Variants in FAM177A1 observed in about 807,000 individuals in gnomAD.
FAM177A1 encodes family with sequence similarity 177 member A1.
Under a neutral mutation model 26.1 loss-of-function variants are expected in FAM177A1, and 22 were observed. The ratio of observed to expected loss-of-function variants is 0.84; its 90% CI spans 0.60 to 1.20. The LOEUF (loss-of-function observed/expected upper bound fraction) is 1.20. Among genes scored for constraint, FAM177A1 ranks in the 50% most tolerant of loss-of-function variants. The probability of loss-of-function intolerance (pLI) is 0.00; values close to 1 mark genes in which losing one functional copy is unlikely to be tolerated. For missense variants in FAM177A1, 296 were observed against 291.1 expected (o/e 1.02, Z -0.12); for synonymous variants, 95 against 99.3 (o/e 0.96, Z 0.26).
At chr14:35,071,825 G>A (rs1185377151) in intron 2 of FAM177A1, among the ~76,000 whole-genome samples, 2 of 152,148 alleles carry the variant, frequency 1.3e-5, no homozygotes, top group Admixed American at 6.6e-5. Flanking sequence ...ACCCTGCACA[G>A]TTGAAAATCT....
chr14:35,050,417 A>G (rs889070196), intron 1 of FAM177A1: 4 of 152,148 alleles, frequency 2.6e-5, no homozygotes, highest in Admixed American at 1.3e-4. Flanking sequence ...TTTTGTATCA[A>G]ATGATTTTCT....
intron 1 of FAM177A1, among the ~76,000 whole-genome samples, chr14:35,049,535 G>C (rs2044929469): frequency 6.6e-6 from 1 of 152,162 alleles, no homozygotes; most frequent in Non-Finnish European, 1.5e-5. Flanking sequence ...TATAATCCCA[G>C]CACTTTGGAA....
intron 1 of FAM177A1, chr14:35,047,124 C>A: frequency 2.0e-6 from 1 of 504,856 alleles, no homozygotes; most frequent in Non-Finnish European, 2.6e-6. Context: ...GCAACTAAGG[C>A]TCCGAGCTGC....
At chr14:35,063,549 G>A (rs539892891) in intron 2 of FAM177A1, among the ~76,000 whole-genome samples, 144 of 152,188 alleles carry the variant, frequency 9.5e-4, no homozygotes, top group African/African-American at 3.3e-3. Flanking sequence ...TTGCACTCCA[G>A]CCTGGGCAAC....
At chr14:35,046,956 T>C in intron 1 of FAM177A1, 1 of 1,114,832 alleles carries the variant, frequency 9.0e-7, no homozygotes, top group South Asian at 3.0e-5. Flanking sequence ...GGAAGCCAGG[T>C]GAGGGCGGCT....
intron 2 of FAM177A1, among the ~76,000 whole-genome samples, chr14:35,057,779 ATTTG>A (rs1009993070): frequency 1.3e-5 from 2 of 151,272 alleles, no homozygotes; most frequent in South Asian, 2.1e-4. Flanking sequence ...CTTCCCATGT[ATTTG>A]TTTGTCTATT....
intron 1 of FAM177A1, chr14:35,050,287 G>A (rs2139056920): frequency 6.6e-6 from 1 of 152,222 alleles, no homozygotes; most frequent in South Asian, 2.1e-4. Context: ...GGGGTTACAA[G>A]CATGAGCCAC....
chr14:35,068,193 C>T (rs550622922), intron 2 of FAM177A1, among the ~76,000 whole-genome samples: 12 of 152,300 alleles, frequency 7.9e-5, no homozygotes, highest in African/African-American at 2.9e-4. Flanking sequence ...CCATCGGTGG[C>T]AGTAAATAGG....
chr14:35,056,000 T>C (rs1024033764), intron 2 of FAM177A1, among the ~76,000 whole-genome samples: 2 of 152,150 alleles, frequency 1.3e-5, no homozygotes, highest in African/African-American at 4.8e-5. Flanking sequence ...ATTGGCCATT[T>C]GTAATCTTCC....
intron 1 of FAM177A1, 41 bp downstream of exon 1, chr14:35,046,669 C>T (rs955053270): frequency 4.7e-6 from 7 of 1,505,232 alleles, no homozygotes; most frequent in African/African-American, 4.3e-5. Flanking sequence ...GGAGCCGAGC[C>T]GCCTCCTTGC....
intron 2 of FAM177A1, among the ~76,000 whole-genome samples, chr14:35,076,235 A>G (rs1033917696): frequency 6.6e-6 from 1 of 152,194 alleles, no homozygotes; most frequent in African/African-American, 2.4e-5. Flanking sequence ...AATGTGGCAC[A>G]TATACACCAT....
At chr14:35,046,193 T>C, upstream of FAM177A1, 1 of 307,668 alleles carries the variant, frequency 3.3e-6, no homozygotes, top group Non-Finnish European at 6.0e-6. Flanking sequence ...CTCTGGATGC[T>C]TGCTTGGCCG....
At chr14:35,072,104 A>G (rs1201040143) in intron 2 of FAM177A1, among the ~76,000 whole-genome samples, 2 of 152,016 alleles carry the variant, frequency 1.3e-5, no homozygotes, top group East Asian at 1.9e-4. Context: ...GTGAAACCCC[A>G]TCTCTACTAA....
chr14:35,075,897 A>G (rs972216038), intron 2 of FAM177A1, among the ~76,000 whole-genome samples: 5 of 152,156 alleles, frequency 3.3e-5, no homozygotes, highest in African/African-American at 9.7e-5. Flanking sequence ...ATCACATACC[A>G]TCTCACACCA....
At chr14:35,076,515 A>C (rs964555094) in intron 2 of FAM177A1, among the ~76,000 whole-genome samples, 32 of 152,208 alleles carry the variant, frequency 2.1e-4, no homozygotes, top group African/African-American at 7.7e-4. Flanking sequence ...TGGGTGCAGC[A>C]CACCAACATG....
intron 2 of FAM177A1, among the ~76,000 whole-genome samples, chr14:35,061,443 G>A (rs1213346073): frequency 6.7e-6 from 1 of 149,232 alleles, no homozygotes; most frequent in Non-Finnish European, 1.5e-5. Context: ...TATGGGAGGT[G>A]GGGTCAGTAG....
intron 2 of FAM177A1, among the ~76,000 whole-genome samples, chr14:35,073,095 C>T (rs1407944224): frequency 4.0e-5 from 6 of 151,672 alleles, no homozygotes; most frequent in South Asian, 4.1e-4. Flanking sequence ...TTTTTTGAGA[C>T]GGAGTCTCGC....
At chr14:35,077,338 A>G (rs1011750842) in intron 3 of FAM177A1, 122 bp downstream of exon 3, 9 of 831,628 alleles carry the variant, frequency 1.1e-5, no homozygotes, top group South Asian at 1.4e-5. Flanking sequence ...ACTGTCCTCA[A>G]GAGCTAGCTA....
intron 2 of FAM177A1, among the ~76,000 whole-genome samples, chr14:35,059,745 C>T (rs2045120921): frequency 6.6e-6 from 1 of 152,050 alleles, no homozygotes; most frequent in Non-Finnish European, 1.5e-5. Context: ...GACGGGGTTT[C>T]ACCATGTTGG....
Sources: gnomAD v4.1 joint callset for allele counts (sites outside exome capture counted in the v4.1 genomes callset) on GRCh38, gnomAD v4.1.1 for gene constraint, MANE v1.5 for transcripts, NCBI Gene and HGNC (gene_info 2026-07-23, HGNC 2026-07-21) for gene names.